FILIP1L: variants seen among roughly 807,000 people sequenced by gnomAD.
The protein encoded by FILIP1L is filamin A-interacting protein 1-like.
In FILIP1L, 55 loss-of-function variants were observed where a neutral mutation model predicts 96.6. The observed-to-expected ratio is 0.57, with a 90% CI of 0.46 to 0.71. The LOEUF is 0.71. FILIP1L is among the 30% of genes least tolerant of loss of function. The probability of loss-of-function intolerance (pLI) is 0.00; values close to 1 mark genes in which losing one functional copy is unlikely to be tolerated. For missense variants in FILIP1L, 1,304 were observed against 1,321.2 expected (o/e 0.99, Z 0.20); for synonymous variants, 467 against 473.9 (o/e 0.99, Z 0.19).
rs1433432547 is a variant in FILIP1L, at chr3:99,850,217, T to C, written c.1459A>G (p.Lys487Glu). Residue 487 changes from lysine (K) to glutamate (E), a missense_variant, in exon 5 of 6, where the codon AAA becomes GAA. Lys to Glu is a moderately conservative substitution (Grantham distance 56). Transcript: ENST00000477258. ...GTTTTCAGTTTAGTTAAATCCTCTT[T>C]TAGAGTGAATTCTGTCTTTTCTAGC... ...SRLEKTEFTL[K>E]EDLTKLKTLT... 6.2e-7 allele frequency: 1 copy of C among 1,613,382 alleles called. No homozygotes were observed. Among genetic ancestry groups the C allele is most frequent in the Non-Finnish European group, 8.5e-7 (1 of 1,179,976 alleles).
intron 1 of FILIP1L, among the ~76,000 whole-genome samples, chr3:100,062,166 C>A (rs1163125741): frequency 1.7e-5 from 2 of 121,026 alleles, no homozygotes; most frequent in African/African-American, 3.3e-5. Context: ...GGCTGGAGTG[C>A]AGTGGCGCGA....
chr3:100,101,257 A>G (rs965484206), intron 1 of FILIP1L, among the ~76,000 whole-genome samples: 2 of 152,202 alleles, frequency 1.3e-5, no homozygotes, highest in Non-Finnish European at 2.9e-5. Context: ...AGGGACAGTT[A>G]ATACTACAGC....
At chr3:99,960,653 G>T (rs1309974835) in intron 1 of FILIP1L, among the ~76,000 whole-genome samples, 1 of 152,166 alleles carries the variant, frequency 6.6e-6, no homozygotes. Context: ...CAAGGTAGGG[G>T]AGAAGTAGGG....
intron 1 of FILIP1L, among the ~76,000 whole-genome samples, chr3:100,083,851 G>A (rs1161839487): frequency 6.6e-6 from 1 of 152,100 alleles, no homozygotes; most frequent in Non-Finnish European, 1.5e-5. Context: ...CTAGTATTAA[G>A]GCATGAGCCA....
At chr3:99,984,594 G>T (rs1442630788) in intron 1 of FILIP1L, among the ~76,000 whole-genome samples, 2 of 152,088 alleles carry the variant, frequency 1.3e-5, no homozygotes, top group Admixed American at 1.3e-4. Context: ...GAAGATCTTT[G>T]CCCAAAATTT....
At chr3:100,100,408 A>C (rs1447611325) in intron 1 of FILIP1L, among the ~76,000 whole-genome samples, 1 of 152,228 alleles carries the variant, frequency 6.6e-6, no homozygotes, top group East Asian at 1.9e-4. Context: ...CAGACCCTGC[A>C]AAGTAATTAC....
At chr3:100,078,708 C>T (rs1397234812) in intron 1 of FILIP1L, among the ~76,000 whole-genome samples, 5 of 151,996 alleles carry the variant, frequency 3.3e-5, no homozygotes, top group African/African-American at 7.3e-5. Flanking sequence ...CTAGCCAACA[C>T]GGCGAAACCC....
chr3:99,918,664 A>T (rs1478262207), intron 4 of FILIP1L, among the ~76,000 whole-genome samples: 1 of 152,054 alleles, frequency 6.6e-6, no homozygotes, highest in Non-Finnish European at 1.5e-5. Context: ...AAGTTAAGTC[A>T]TGATGGACGG....
chr3:99,872,987 T>TA (rs1372397544), intron 4 of FILIP1L, among the ~76,000 whole-genome samples: 2 of 152,124 alleles, frequency 1.3e-5, no homozygotes, highest in Non-Finnish European at 2.9e-5. Flanking sequence ...TGCTAGGAAT[T>TA]AGTGTACCTA....
intron 4 of FILIP1L, among the ~76,000 whole-genome samples, chr3:99,865,034 C>T (rs1302981288): frequency 6.6e-6 from 1 of 152,018 alleles, no homozygotes; most frequent in Non-Finnish European, 1.5e-5. Context: ...TGAACAAATA[C>T]CTCTTCTATT....
At chr3:99,971,160 AC>A (rs1486781287) in intron 1 of FILIP1L, among the ~76,000 whole-genome samples, 2 of 152,184 alleles carry the variant, frequency 1.3e-5, no homozygotes, top group East Asian at 1.9e-4. Flanking sequence ...ACATGGTGAA[AC>A]CCCGTCTCTA....
intron 4 of FILIP1L, chr3:99,875,977 TG>T: frequency 1.2e-6 from 1 of 838,054 alleles, no homozygotes; most frequent in South Asian, 5.4e-5. Context: ...CAGTTTGTGA[TG>T]CTGAGACAGC....
intron 1 of FILIP1L, among the ~76,000 whole-genome samples, chr3:100,082,693 T>C (rs1281408050): frequency 6.6e-6 from 1 of 152,244 alleles, no homozygotes; most frequent in African/African-American, 2.4e-5. Flanking sequence ...GAAGCCTTTA[T>C]AGATGCCACA....
intron 1 of FILIP1L, among the ~76,000 whole-genome samples, chr3:100,047,437 A>G (rs1051604023): frequency 2.0e-5 from 3 of 152,180 alleles, no homozygotes; most frequent in Admixed American, 6.5e-5. Context: ...TCCAAATTCT[A>G]TGTGTTTAAA....
At chr3:100,095,102 A>G (rs2107444080) in intron 1 of FILIP1L, among the ~76,000 whole-genome samples, 1 of 152,256 alleles carries the variant, frequency 6.6e-6, no homozygotes, top group Middle Eastern at 3.4e-3. Flanking sequence ...CTATGTGACT[A>G]TCCCTTTACC....
At chr3:99,889,299 C>G (rs1403219232) in intron 4 of FILIP1L, among the ~76,000 whole-genome samples, 2 of 151,966 alleles carry the variant, frequency 1.3e-5, no homozygotes, top group African/African-American at 2.4e-5. Flanking sequence ...TCAAACTGTT[C>G]CTAGGAAATG....
chr3:100,050,534 T>C lies in FILIP1L; in HGVS notation c.-11+63519A>G, dbSNP rs139658360. 2.4e-3 allele frequency among the ~76,000 whole-genome samples: 369 copies of C among 152,272 alleles called. 1 individual carries two copies. Among genetic ancestry groups the C allele is most frequent in the African/African-American group, 8.3e-3 (347 of 41,564 alleles). ...TTCCCACAATTTGTTTGTTTATTTG[T>C]TTATTTGTTTGTTTTGAGACAGAGT... is the stretch of plus-strand genomic sequence containing the variant. On this transcript the variant is annotated intron_variant, in intron 1 of 5. Coordinates refer to ENST00000477258, the MANE Select transcript of FILIP1L (RefSeq NM_001387850.1).
intron 4 of FILIP1L, among the ~76,000 whole-genome samples, chr3:99,887,963 C>G (rs572527450): frequency 1.3e-5 from 2 of 152,200 alleles, no homozygotes; most frequent in Admixed American, 1.3e-4. Flanking sequence ...TCATCTTGAA[C>G]TCCTGGGAAG....
chr3:99,858,388 C>A (rs890689813), intron 4 of FILIP1L, among the ~76,000 whole-genome samples: 1 of 152,018 alleles, frequency 6.6e-6, no homozygotes, highest in Non-Finnish European at 1.5e-5. Flanking sequence ...TTGCTTGAAC[C>A]CGTGAGGCAG....
Sources: allele counts gnomAD v4.1 joint callset (sites outside exome capture counted in the v4.1 genomes callset), GRCh38; gene constraint gnomAD v4.1.1; transcripts MANE v1.5; gene names NCBI Gene and HGNC (gene_info 2026-07-23, HGNC 2026-07-21).